NCAM1: variants seen among roughly 807,000 people sequenced by gnomAD.
The protein encoded by NCAM1 is neural cell adhesion molecule 1, also known as antigen recognized by monoclonal antibody 5.1H11.
In NCAM1, 14 loss-of-function variants were observed where a neutral mutation model predicts 109.8. That is an observed-to-expected ratio of 0.13 (90% CI 0.08 to 0.20). The LOEUF is 0.20. Ranked by LOEUF, NCAM1 falls within the 10% of genes least tolerant of loss-of-function variation. NCAM1 has a pLI of 1.00. For synonymous variants in NCAM1, 418 were observed against 442.9 expected, an observed-to-expected ratio of 0.94 and a Z score of 0.70; for missense variants, 774 against 1,109.9, an observed-to-expected ratio of 0.70 and a Z score of 4.30.
intron 17 of NCAM1, chr11:113,264,567 T>A: frequency 1.0e-6 from 1 of 985,574 alleles, no homozygotes; most frequent in Non-Finnish European, 1.2e-6. Flanking sequence ...GGAGAGCTAC[T>A]GGCTCTTAGG....
intron 1 of NCAM1, among the ~76,000 whole-genome samples, chr11:112,965,074 A>ATT (rs61263458): frequency 3.4e-4 from 52 of 151,176 alleles, no homozygotes; most frequent in East Asian, 7.8e-4. Context: ...TTTATCTAGG[A>ATT]TTTTTTTTTT....
chr11:113,177,867 C>T (rs1169948889), intron 1 of NCAM1, among the ~76,000 whole-genome samples: 1 of 152,120 alleles, frequency 6.6e-6, no homozygotes, highest in Non-Finnish European at 1.5e-5. Context: ...TCCTCTTTGT[C>T]GCTCTTGCTT....
At chr11:113,218,575 G>C (rs1221821700) in intron 8 of NCAM1, among the ~76,000 whole-genome samples, 2 of 152,048 alleles carry the variant, frequency 1.3e-5, no homozygotes, top group Non-Finnish European at 2.9e-5. Flanking sequence ...AAAGAAGGGG[G>C]GAGATAAGCA....
chr11:113,083,445 T>G (rs1490676977), intron 1 of NCAM1, among the ~76,000 whole-genome samples: 1 of 152,180 alleles, frequency 6.6e-6, no homozygotes, highest in Non-Finnish European at 1.5e-5. Context: ...AAAGTGCTGT[T>G]TCATTGGGCT....
rs782266242 is a variant in NCAM1 at position 113,163,818 on chromosome 11, G to A, written c.53-38561G>A. ...GTCCAGGCAGTATGCCCAGTGCTGC[G>A]GGTGCCGGGCTGTGCAAATGAGAGC... is the stretch of plus-strand genomic sequence containing the variant. On this transcript the variant is annotated intron_variant, in intron 1 of 19. Transcript: ENST00000316851. Among the ~76,000 whole-genome samples the A allele has an allele frequency of 4.6e-5, 7 of 152,298 alleles. No individual in the cohort carries two copies. In the East Asian group the frequency reaches 9.7e-4, roughly 21 times the overall value.
intron 1 of NCAM1, among the ~76,000 whole-genome samples, chr11:113,099,470 A>G (rs1001139703): frequency 6.6e-6 from 1 of 152,196 alleles, no homozygotes; most frequent in Non-Finnish European, 1.5e-5. Context: ...CTGGACCAGT[A>G]GCTAGAATAA....
At chr11:113,095,394 C>T (rs1197508963) in intron 1 of NCAM1, among the ~76,000 whole-genome samples, 1 of 152,122 alleles carries the variant, frequency 6.6e-6, no homozygotes, top group African/African-American at 2.4e-5. Flanking sequence ...CAGCTTTCAG[C>T]ACAGTGGTCG....
chr11:113,237,209 C>T (rs1945191894), intron 14 of NCAM1, among the ~76,000 whole-genome samples: 1 of 152,106 alleles, frequency 6.6e-6, no homozygotes, highest in Non-Finnish European at 1.5e-5. Context: ...CTTCCCTTCT[C>T]CTGAGATTTG....
intron 1 of NCAM1, among the ~76,000 whole-genome samples, chr11:112,976,958 A>G (rs10789933): frequency 0.31 from 45,888 of 149,456 alleles, 7,981 homozygotes; most frequent in East Asian, 0.68. Flanking sequence ...TCCTTAAAGC[A>G]TTAGGTGCAA....
At chr11:113,189,282 T>C (rs1943604291) in intron 1 of NCAM1, among the ~76,000 whole-genome samples, 1 of 151,828 alleles carries the variant, frequency 6.6e-6, no homozygotes, top group African/African-American at 2.4e-5. Context: ...AAACCCCGTC[T>C]GTACTAAAAA....
At chr11:113,271,541 T>G (rs1946274920) in intron 18 of NCAM1, among the ~76,000 whole-genome samples, 1 of 152,020 alleles carries the variant, frequency 6.6e-6, no homozygotes. Flanking sequence ...AGTAACAGTG[T>G]TTTTGCCTCA....
At chr11:113,147,485 T>TTC (rs1364862664) in intron 1 of NCAM1, among the ~76,000 whole-genome samples, 1 of 152,138 alleles carries the variant, frequency 6.6e-6, no homozygotes, top group Non-Finnish European at 1.5e-5. Context: ...TGCCAGAGGG[T>TTC]TCTGGAGGCT....
Position 113,273,399 on chromosome 11 carries a change from G to A in NCAM1, c.2456+1523G>A, listed in dbSNP as rs1207458274. ...TGGGGCAGCCAGTCCTCTAGCAGCA[G>A]CGGCTGCCCCTGCCACAGAAGCCCC... On this transcript the variant is annotated intron_variant, in intron 19 of 19. Coordinates refer to ENST00000316851, the MANE Select transcript of NCAM1 (RefSeq NM_181351.5). This position sits in a 1 kb window ranked among gnomAD's most constrained non-coding sequence, Gnocchi z 6.0. 3.0e-6 allele frequency: 1 copy of A among 328,046 alleles called. No individual in the cohort carries two copies. Among genetic ancestry groups the A allele is most frequent in the Non-Finnish European group, 6.1e-6 (1 of 164,502 alleles). The allele number at this position is 328,046 out of a possible 1,614,324, so 20.3% of individuals were successfully genotyped here. A position where few individuals can be genotyped will look rare whatever the true frequency, so the allele number is the denominator to read the frequency against.
intron 17 of NCAM1, chr11:113,265,254 C>T (rs2137715491): frequency 1.4e-6 from 1 of 736,982 alleles, no homozygotes; most frequent in Non-Finnish European, 1.7e-6. Context: ...CAGCAAAGAC[C>T]CTTTCCCTCC....
intron 1 of NCAM1, among the ~76,000 whole-genome samples, chr11:112,983,967 C>T (rs1186634923): frequency 6.6e-6 from 1 of 151,736 alleles, no homozygotes; most frequent in Non-Finnish European, 1.5e-5. Flanking sequence ...ACATTATTAC[C>T]TGGTGATCAT....
intron 1 of NCAM1, among the ~76,000 whole-genome samples, chr11:112,978,780 G>T (rs946630139): frequency 1.3e-5 from 2 of 151,852 alleles, no homozygotes; most frequent in Admixed American, 1.3e-4. Flanking sequence ...ATTTCACAAG[G>T]GGGAAAATAC....
intron 1 of NCAM1, among the ~76,000 whole-genome samples, chr11:113,113,019 C>T (rs1940514064): frequency 6.6e-6 from 1 of 152,082 alleles, no homozygotes; most frequent in Admixed American, 6.6e-5. Flanking sequence ...GTAATCCCAG[C>T]TACTCAGGAG....
At chr11:112,978,169 A>C (rs1345944985) in intron 1 of NCAM1, among the ~76,000 whole-genome samples, 1 of 151,800 alleles carries the variant, frequency 6.6e-6, no homozygotes, top group Non-Finnish European at 1.5e-5. Context: ...ATCCGAAAAG[A>C]GGTAGAATGA....
intron 1 of NCAM1, among the ~76,000 whole-genome samples, chr11:113,138,060 G>T (rs1192079171): frequency 2.0e-5 from 3 of 152,188 alleles, no homozygotes; most frequent in Non-Finnish European, 4.4e-5. Flanking sequence ...AGCAGTGCGG[G>T]CCGTGAGTCC....
Sources: gnomAD v4.1 joint callset for allele counts (sites outside exome capture counted in the v4.1 genomes callset) on GRCh38, gnomAD v4.1.1 for gene constraint, Gnocchi (gnomAD v3.1) non-coding constraint, MANE v1.5 for transcripts, NCBI Gene and HGNC (gene_info 2026-07-23, HGNC 2026-07-21) for gene names.